PJA2: variants seen among roughly 807,000 people sequenced by gnomAD.
PJA2 encodes the protein praja ring finger ubiquitin ligase 2, also known as E3 ubiquitin-protein ligase Praja-2.
A neutral mutation model predicts 69.3 loss-of-function variants in PJA2; 25 were observed. The ratio of observed to expected loss-of-function variants is 0.36; its 90% CI spans 0.26 to 0.50. The LOEUF (loss-of-function observed/expected upper bound fraction) is 0.50, where lower values mean the gene tolerates loss of function less well. Among genes scored for constraint, PJA2 ranks in the 20% least tolerant of loss-of-function variants. The probability of loss-of-function intolerance (pLI) is 0.96; values close to 1 mark genes in which losing one functional copy is unlikely to be tolerated. For missense variants in PJA2, 809 were observed against 830.2 expected (o/e 0.97, Z 0.31); for synonymous variants, 308 against 277.8 (o/e 1.11, Z -1.08).
At chr5:109,358,950 G>A (rs1314956128) in intron 6 of PJA2, among the ~76,000 whole-genome samples, 3 of 152,168 alleles carry the variant, frequency 2.0e-5, no homozygotes, top group South Asian at 2.1e-4. Flanking sequence ...GTATCTTCAC[G>A]CTAGAAGCCT....
chr5:109,379,311 T>A, intron 3 of PJA2, 57 bp from the exon 4 acceptor site: 1 of 1,217,498 alleles, frequency 8.2e-7, no homozygotes, highest in Non-Finnish European at 1.1e-6. Flanking sequence ...TAAAATTTTA[T>A]GTAATAACTA....
intron 1 of PJA2, among the ~76,000 whole-genome samples, chr5:109,407,545 TCAA>T (rs1453362304): frequency 6.6e-6 from 1 of 152,138 alleles, no homozygotes; most frequent in Non-Finnish European, 1.5e-5. Context: ...CTACCAGTGC[TCAA>T]CATTTTATAA....
At chr5:109,404,173 A>G (rs1747628216) in intron 1 of PJA2, among the ~76,000 whole-genome samples, 1 of 152,148 alleles carries the variant, frequency 6.6e-6, no homozygotes, top group African/African-American at 2.4e-5. Flanking sequence ...GTCTTAGTCC[A>G]TTAGGACTCC....
rs1747050788 is a variant in PJA2 at position 109,381,652 on chromosome 5, T to C, written c.83A>G (p.Tyr28Cys). The C allele has an allele frequency of 6.2e-7, 1 of 1,614,010 alleles. No homozygotes were observed. The highest frequency in any genetic ancestry group is 1.3e-5 in the African/African-American group (1 of 74,922). Residue 28 changes from tyrosine (Y) to cysteine (C), a missense_variant, in exon 3 of 10, where the codon TAT (tyrosine) becomes TGT (cysteine). By Grantham distance (194) the Tyr-to-Cys change is radical. Coordinates refer to ENST00000361189, the MANE Select transcript of PJA2 (RefSeq NM_014819.5). ...ATATCTCCTGCCTGTAATTGTCTGA[T>C]ACCCTCCTGCTGGTTTGGGCCAGAC... ...KAVWPKPAGGYQTITGRRYGR... is the reference protein window; with the variant it reads ...KAVWPKPAGGCQTITGRRYGR...
chr5:109,339,549 G>C (rs1454877500), intron 9 of PJA2, among the ~76,000 whole-genome samples: 1 of 152,196 alleles, frequency 6.6e-6, no homozygotes, highest in Admixed American at 6.5e-5. Context: ...ATGTATGGGA[G>C]TAGAAATGAA....
chr5:109,387,194 T>C (rs1292271212), intron 1 of PJA2, among the ~76,000 whole-genome samples: 1 of 152,192 alleles, frequency 6.6e-6, no homozygotes, highest in Non-Finnish European at 1.5e-5. Flanking sequence ...TTCTCATACT[T>C]TCTTATTCTG....
chr5:109,377,373 CT>C (rs1275127622), intron 4 of PJA2, among the ~76,000 whole-genome samples: 30 of 152,034 alleles, frequency 2.0e-4, no homozygotes, highest in African/African-American at 7.2e-4. Flanking sequence ...CTTACAAGGA[CT>C]CATGAAAATC....
At chr5:109,366,253 C>T (rs115370300) in intron 5 of PJA2, among the ~76,000 whole-genome samples, 4,643 of 152,170 alleles carry the variant, frequency 0.031, 95 homozygotes, top group Middle Eastern at 0.048. Context: ...AAATAAAATC[C>T]AGGTTAGAGA....
At chr5:109,409,558 G>T (rs944824053) in intron 1 of PJA2, among the ~76,000 whole-genome samples, 1 of 152,074 alleles carries the variant, frequency 6.6e-6, no homozygotes. Context: ...CGAAGACCCC[G>T]ATACCAACCA....
At chr5:109,340,235 C>T in intron 9 of PJA2, among the ~76,000 whole-genome samples, 1 of 152,182 alleles carries the variant, frequency 6.6e-6, no homozygotes, top group East Asian at 1.9e-4. Flanking sequence ...TGGGCACTTA[C>T]TACCTGACAG....
At position 109,394,473 on chromosome 5, in the gene PJA2, T is replaced by C. The variant is rs76755643; in HGVS notation, c.-87-10953A>G. Among the ~76,000 whole-genome samples, 1,155 of 152,334 alleles carry C rather than the reference T, an allele frequency of 7.6e-3. 13 individuals carry two copies. Among genetic ancestry groups the C allele is most frequent in the African/African-American group, 0.026 (1,081 of 41,580 alleles). ...TTTAAATAGTCACTGGAAGAAAATATATTCAAGTGTTAAAGTTGTATTTCA... is the reference window on the plus strand; with the variant it reads ...TTTAAATAGTCACTGGAAGAAAATACATTCAAGTGTTAAAGTTGTATTTCA... On this transcript the variant is annotated intron_variant, in intron 1 of 9. Transcript: ENST00000361189.
At chr5:109,405,111 A>G (rs1747652670) in intron 1 of PJA2, among the ~76,000 whole-genome samples, 1 of 152,262 alleles carries the variant, frequency 6.6e-6, no homozygotes, top group Non-Finnish European at 1.5e-5. Flanking sequence ...ATCAAGGTCC[A>G]TATGCAAAAA....
rs1482942680 is a variant in PJA2, at chr5:109,401,900, T to C, written c.-88+7942A>G. 3.3e-5 allele frequency among the ~76,000 whole-genome samples: 5 copies of C among 152,164 alleles called. No individual in the cohort carries two copies. The East Asian group carries it at 9.6e-4, about 29-fold the overall frequency. ...GACAGCACAGGAATAAAACAAATAT[T>C]ACAAGGTATTATGCATTTATGGCAT... On this transcript the variant is annotated intron_variant, in intron 1 of 9. Transcript: ENST00000361189.
chr5:109,389,389 G>A (rs1747233174), intron 1 of PJA2, among the ~76,000 whole-genome samples: 1 of 151,832 alleles, frequency 6.6e-6, no homozygotes, highest in Non-Finnish European at 1.5e-5. Context: ...TGTTTTTCAG[G>A]GATTATGACC....
Position 109,383,404 on chromosome 5 carries a change from T to A in PJA2, c.30A>T (p.Ala10=). The A allele has an allele frequency of 6.2e-7, 1 of 1,613,382 alleles. No individual in the cohort carries two copies. The highest frequency in any genetic ancestry group is 8.5e-7 in the Non-Finnish European group (1 of 1,179,520). Residue 10 remains alanine, a splice_region_variant and synonymous_variant, in exon 2 of 10, where the codon GCA becomes GCT. Coordinates refer to ENST00000361189, the MANE Select transcript of PJA2 (RefSeq NM_014819.5). ...TGTAGAAGAACTGACTTTCCTTACC[T>A]GCTGGCTCCTTTTCAGTGTACTGTG... The part of the protein sequence containing the change: MSQYTEKEP[A]AMDQESGKAV...
chr5:109,390,950 A>T (rs569281362), intron 1 of PJA2, among the ~76,000 whole-genome samples: 1 of 152,246 alleles, frequency 6.6e-6, no homozygotes, highest in African/African-American at 2.4e-5. Flanking sequence ...GCTTGTCCTT[A>T]TATCAAAGTG....
intron 7 of PJA2, among the ~76,000 whole-genome samples, chr5:109,354,042 T>C (rs960205433): frequency 2.1e-5 from 3 of 143,570 alleles, no homozygotes; most frequent in African/African-American, 8.0e-5. Flanking sequence ...GAGATATCTA[T>C]AGATTAGATA....
At chr5:109,399,616 G>T (rs145211969) in intron 1 of PJA2, among the ~76,000 whole-genome samples, 1 of 152,246 alleles carries the variant, frequency 6.6e-6, no homozygotes, top group East Asian at 1.9e-4. Flanking sequence ...CACACTAAAA[G>T]CCTAGCAGAT....
intron 1 of PJA2, among the ~76,000 whole-genome samples, chr5:109,407,285 T>G (rs1747714884): frequency 6.6e-6 from 1 of 152,074 alleles, no homozygotes. Context: ...GATGCCCACA[T>G]ATACCCACCT....
Sources: gnomAD v4.1 joint callset for allele counts (sites outside exome capture counted in the v4.1 genomes callset) on GRCh38, gnomAD v4.1.1 for gene constraint, MANE v1.5 for transcripts, NCBI Gene and HGNC (gene_info 2026-07-23, HGNC 2026-07-21) for gene names.